FZD6: variants seen among roughly 807,000 people sequenced by gnomAD.
FZD6 encodes the protein frizzled class receptor 6.
In FZD6, 49 loss-of-function variants were observed where a neutral mutation model predicts 61.4. The observed-to-expected ratio is 0.80, with a 90% CI of 0.63 to 1.01. The LOEUF (loss-of-function observed/expected upper bound fraction) is 1.01. Ranked by LOEUF, FZD6 falls within the 50% of genes least tolerant of loss-of-function variation. The pLI, the probability that FZD6 is intolerant of heterozygous loss-of-function variation, is 0.00. For missense variants in FZD6, 724 were observed against 848.2 expected (o/e 0.85, Z 1.82); for synonymous variants, 265 against 292.2 (o/e 0.91, Z 0.95).
chr8:103,322,783 T>TA (rs1249559636), intron 3 of FZD6, among the ~76,000 whole-genome samples: 1 of 152,160 alleles, frequency 6.6e-6, no homozygotes, highest in African/African-American at 2.4e-5. Context: ...AACAATTGAG[T>TA]AACATATAGT....
At chr8:103,310,428 C>A (rs1814461617) in intron 2 of FZD6, among the ~76,000 whole-genome samples, 2 of 152,046 alleles carry the variant, frequency 1.3e-5, no homozygotes, top group African/African-American at 4.8e-5. Flanking sequence ...TGTGCATTGA[C>A]AACCTGCTAT....
At chr8:103,305,478 G>T (rs1814304633) in intron 2 of FZD6, among the ~76,000 whole-genome samples, 1 of 152,076 alleles carries the variant, frequency 6.6e-6, no homozygotes, top group African/African-American at 2.4e-5. Flanking sequence ...TTATTTTCCT[G>T]CTTTTAGAAG....
intron 2 of FZD6, among the ~76,000 whole-genome samples, chr8:103,303,474 C>G (rs960409873): frequency 1.3e-5 from 2 of 152,134 alleles, no homozygotes; most frequent in East Asian, 1.9e-4. Flanking sequence ...TACAGTGAAT[C>G]TACATGTCTC....
chr8:103,327,635 G>A (rs1814990771), intron 4 of FZD6, among the ~76,000 whole-genome samples: 3 of 152,020 alleles, frequency 2.0e-5, no homozygotes, highest in Admixed American at 2.0e-4. Context: ...GAAATAAAGA[G>A]CTCTATTTGT....
At chr8:103,310,479 G>T (rs1814464177) in intron 2 of FZD6, among the ~76,000 whole-genome samples, 1 of 151,996 alleles carries the variant, frequency 6.6e-6, no homozygotes, top group Non-Finnish European at 1.5e-5. Flanking sequence ...TGCCCCGGCT[G>T]GTCTCGACCT....
chr8:103,324,842 C>G lies in FZD6; in HGVS notation c.736C>G (p.Leu246Val), dbSNP rs764751010. Residue 246 changes from leucine (L) to valine (V), a missense_variant, in exon 4 of 7, where the codon CTT becomes GTT. By Grantham distance (32) the Leu-to-Val change is conservative. Transcript: ENST00000358755. The stretch of plus-strand genomic sequence containing the variant: ...CTCTGTCTGTTACAGCATTGTATCT[C>G]TTATGTACTTCATTGGATTTTTGCT... ...YYSVCYSIVS[L>V]MYFIGFLLGD... 6.2e-7 allele frequency: 1 copy of G among 1,613,736 alleles called. No individual in the cohort carries two copies.
rs1185545894 is a variant in FZD6, at chr8:103,332,075, T to G, written c.*566T>G. 1.3e-5 allele frequency: 2 copies of G among 152,678 alleles called. No homozygotes were observed. Among genetic ancestry groups the G allele is most frequent in the Non-Finnish European group, 2.9e-5 (2 of 68,398 alleles). 9.5% of individuals were successfully genotyped at this position (152,678 alleles called of 1,614,324 possible). A position where few individuals can be genotyped will look rare whatever the true frequency, so the allele number is the denominator to read the frequency against. On this transcript the variant is annotated 3_prime_UTR_variant, in exon 7 of 7. Transcript: ENST00000358755. ...GTAAAAAAAGATATACCAAAAAGTC[T>G]TATAATAGGAATTTAACTTTAAAAA... is the stretch of plus-strand genomic sequence containing the variant.
At position 103,332,183 on chromosome 8, in the gene FZD6, C is replaced by G. The variant is rs908044261; in HGVS notation, c.*674C>G. ...AATTTCACAGATCTAAATTATGTAA[C>G]TGAAATAAGGTGCTTACTCAAAGAG... On this transcript the variant is annotated 3_prime_UTR_variant, in exon 7 of 7. Transcript: ENST00000358755. 2.0e-5 allele frequency: 3 copies of G among 152,624 alleles called. No homozygotes were observed. The highest frequency in any genetic ancestry group is 2.0e-4 in the Admixed American group (3 of 15,304). 9.5% of individuals were successfully genotyped at this position (152,624 alleles called of 1,614,324 possible).
At chr8:103,328,157 T>C (rs1563694306) in intron 4 of FZD6, 111 bp from the exon 5 acceptor site, 4 of 806,386 alleles carry the variant, frequency 5.0e-6, no homozygotes, top group Non-Finnish European at 8.3e-6. Flanking sequence ...CAAACCTTTT[T>C]AGTAAAACAG....
At chr8:103,314,189 T>C (rs1056358729) in intron 2 of FZD6, among the ~76,000 whole-genome samples, 2 of 152,228 alleles carry the variant, frequency 1.3e-5, no homozygotes, top group Admixed American at 1.3e-4. Context: ...CAAAAGTACA[T>C]GTATTGCATT....
chr8:103,313,602 A>G (rs887293256), intron 2 of FZD6, among the ~76,000 whole-genome samples: 5 of 152,188 alleles, frequency 3.3e-5, no homozygotes, highest in African/African-American at 1.2e-4. Flanking sequence ...CAAAGTGTGC[A>G]TGTGTGCACA....
At chr8:103,313,760 C>CTGTGTGTG (rs58157848) in intron 2 of FZD6, among the ~76,000 whole-genome samples, 1,906 of 142,804 alleles carry the variant, frequency 0.013, 23 homozygotes, top group South Asian at 0.024. Flanking sequence ...CTTGATTTTT[C>CTGTGTGTG]TGTGTGTGTG....
chr8:103,323,433 C>CT (rs11329397), intron 3 of FZD6, among the ~76,000 whole-genome samples: 16 of 145,306 alleles, frequency 1.1e-4, no homozygotes, highest in South Asian at 2.2e-4. Flanking sequence ...ACCTCCAGTA[C>CT]TTTTTTTTTT....
At chr8:103,311,172 C>A (rs933532053) in intron 2 of FZD6, among the ~76,000 whole-genome samples, 1 of 152,166 alleles carries the variant, frequency 6.6e-6, no homozygotes, top group Non-Finnish European at 1.5e-5. Flanking sequence ...TTGGATACTT[C>A]CTGAGCCATT....
chr8:103,306,593 C>G (rs1814337057), intron 2 of FZD6, among the ~76,000 whole-genome samples: 1 of 149,880 alleles, frequency 6.7e-6, no homozygotes, highest in African/African-American at 2.5e-5. Flanking sequence ...AGCTCCCTCT[C>G]CTGGGTTCAC....
chr8:103,328,197 T>A, intron 4 of FZD6, 71 bp from the exon 5 acceptor site: 1 of 1,158,450 alleles, frequency 8.6e-7, no homozygotes, highest in Non-Finnish European at 1.3e-6. Context: ...GTTCGTTTTA[T>A]ATTGACAATA....
At position 103,329,658 on chromosome 8, in the gene FZD6, A is replaced by G. The variant is rs774203966; in HGVS notation, c.1545A>G (p.Pro515=). The change falls in exon 6 of 7, where the codon CCA becomes CCG. Residue 515 remains proline, a synonymous_variant. Coordinates refer to ENST00000358755, the MANE Select transcript of FZD6 (RefSeq NM_003506.4). ...GFFKRNRKRD[P]ISESRRVLQE... is the part of the protein sequence containing the mutation. ...CTCTCCTTCAATTTTCTTATAGTCCAATCAGTGAAAGTCGAAGAGTACTAC... is the reference window on the plus strand; with the variant it reads ...CTCTCCTTCAATTTTCTTATAGTCCGATCAGTGAAAGTCGAAGAGTACTAC... The G allele has an allele frequency of 2.5e-6, 4 of 1,602,526 alleles. No individual in the cohort carries two copies. The highest frequency in any genetic ancestry group is 3.4e-6 in the Non-Finnish European group (4 of 1,169,678).
At chr8:103,326,621 G>A (rs1814957071) in intron 4 of FZD6, among the ~76,000 whole-genome samples, 1 of 151,128 alleles carries the variant, frequency 6.6e-6, no homozygotes, top group Non-Finnish European at 1.5e-5. Context: ...TAATATTCCT[G>A]TAGTTGTAGA....
At chr8:103,303,472 A>T (rs980512499) in intron 2 of FZD6, among the ~76,000 whole-genome samples, 1 of 152,174 alleles carries the variant, frequency 6.6e-6, no homozygotes, top group Non-Finnish European at 1.5e-5. Context: ...TTTACAGTGA[A>T]TCTACATGTC....
Sources: allele counts gnomAD v4.1 joint callset (sites outside exome capture counted in the v4.1 genomes callset), GRCh38; gene constraint gnomAD v4.1.1; transcripts MANE v1.5; gene names NCBI Gene and HGNC (gene_info 2026-07-23, HGNC 2026-07-21).